PPME1: variants seen among roughly 807,000 people sequenced by gnomAD.
PPME1 encodes testicular secretory protein Li 39.
PPME1 carries 17 observed loss-of-function variants against 56.9 expected under a neutral mutation model. That is an observed-to-expected ratio of 0.30 (90% confidence interval 0.20 to 0.45). The LOEUF (loss-of-function observed/expected upper bound fraction) is 0.45, where lower values mean the gene tolerates loss of function less well. PPME1 is among the 20% of genes least tolerant of loss of function. The pLI, the probability that PPME1 is intolerant of heterozygous loss-of-function variation, is 1.00. For synonymous variants in PPME1, 122 were observed against 156.2 expected, an observed-to-expected ratio of 0.78 and a Z score of 1.63; for missense variants, 357 against 483.2, an observed-to-expected ratio of 0.74 and a Z score of 2.45.
In PPME1 at chr11:74,225,264, A is replaced by T. The variant is rs1307979616; in HGVS notation, c.398+8A>T. The T allele has an allele frequency of 6.5e-7, 1 of 1,548,638 alleles. No individual in the cohort carries two copies. The highest frequency in any genetic ancestry group is 8.8e-7 in the Non-Finnish European group (1 of 1,137,658). ...TGCAGAAACAATGGCAAAGTAAGTA[A>T]CCAAATATTTCTTATACATTGCCTG... On this transcript the variant is annotated splice_region_variant and intron_variant, in intron 5 of 13. Coordinates refer to ENST00000328257, the MANE Select transcript of PPME1 (RefSeq NM_016147.3).
chr11:74,179,389 A>G (rs1255502629), intron 1 of PPME1, among the ~76,000 whole-genome samples: 1 of 152,194 alleles, frequency 6.6e-6, no homozygotes, highest in African/African-American at 2.4e-5. Context: ...CAGCTACTTG[A>G]GAGACTGAGA....
chr11:74,228,828 T>A (rs895550271), intron 5 of PPME1, among the ~76,000 whole-genome samples: 1 of 152,124 alleles, frequency 6.6e-6, no homozygotes, highest in African/African-American at 2.4e-5. Flanking sequence ...AAGTATTAGT[T>A]CTCTTTTCTT....
intron 3 of PPME1, among the ~76,000 whole-genome samples, chr11:74,220,257 G>A (rs1407813630): frequency 1.3e-5 from 2 of 152,136 alleles, no homozygotes; most frequent in Non-Finnish European, 2.9e-5. Context: ...GATTATCTGA[G>A]ATAATCTGGT....
chr11:74,223,303 T>C (rs1445823926), intron 4 of PPME1, among the ~76,000 whole-genome samples: 1 of 151,414 alleles, frequency 6.6e-6, no homozygotes, highest in Non-Finnish European at 1.5e-5. Context: ...TAGTATTCCA[T>C]GGTGTATATG....
intron 9 of PPME1, among the ~76,000 whole-genome samples, chr11:74,241,170 G>A (rs1487911827): frequency 6.6e-6 from 1 of 152,108 alleles, no homozygotes; most frequent in Non-Finnish European, 1.5e-5. Context: ...CCCAGCTTAG[G>A]CAACCACTAA....
At chr11:74,172,934 AAGTC>A (rs527928378) in intron 1 of PPME1, among the ~76,000 whole-genome samples, 1 of 152,286 alleles carries the variant, frequency 6.6e-6, no homozygotes, top group Non-Finnish European at 1.5e-5. Flanking sequence ...CTGTGACAGT[AAGTC>A]CTAGGGATGA....
At chr11:74,246,272 C>T (rs1859500863) in intron 10 of PPME1, 67 bp downstream of exon 10, 1 of 1,369,410 alleles carries the variant, frequency 7.3e-7, no homozygotes, top group African/African-American at 1.5e-5. Flanking sequence ...GACTGAGTGG[C>T]TTAAACAACA....
At chr11:74,207,009 TAGAG>T (rs1047812595) in intron 3 of PPME1, among the ~76,000 whole-genome samples, 1 of 152,168 alleles carries the variant, frequency 6.6e-6, no homozygotes, top group East Asian at 1.9e-4. Flanking sequence ...TTAGAGAAGT[TAGAG>T]AGCCAATGAC....
intron 11 of PPME1, chr11:74,249,235 TC>T: frequency 6.6e-6 from 1 of 152,316 alleles, no homozygotes; most frequent in Non-Finnish European, 1.5e-5. Flanking sequence ...CTGCATAGAT[TC>T]CAAACCACAG....
At chr11:74,252,251 G>GTTTTTTTTTTTTT (rs1249533305) in intron 13 of PPME1, among the ~76,000 whole-genome samples, 3 of 118,464 alleles carry the variant, frequency 2.5e-5, no homozygotes, top group African/African-American at 6.2e-5. Context: ...TTTTTTTTTT[G>GTTTTTTTTTTTTT]TTTTTTTTTT....
intron 11 of PPME1, chr11:74,247,436 A>G (rs1859531100): frequency 4.5e-6 from 1 of 223,958 alleles, no homozygotes; most frequent in Non-Finnish European, 8.6e-6. Flanking sequence ...GGTGTATGAT[A>G]CTGTGAAAAG....
intron 3 of PPME1, among the ~76,000 whole-genome samples, chr11:74,211,846 A>G (rs957879172): frequency 2.0e-5 from 3 of 152,224 alleles, no homozygotes; most frequent in Admixed American, 1.3e-4. Context: ...AATATAGATA[A>G]TGGATAAATT....
chr11:74,193,173 C>A (rs1857887204), intron 1 of PPME1, among the ~76,000 whole-genome samples: 2 of 152,100 alleles, frequency 1.3e-5, no homozygotes. Flanking sequence ...CTGTTAAGTA[C>A]TTATGTGTGA....
At chr11:74,198,242 G>T (rs1858044249) in intron 1 of PPME1, among the ~76,000 whole-genome samples, 2 of 152,080 alleles carry the variant, frequency 1.3e-5, no homozygotes, top group African/African-American at 2.4e-5. Flanking sequence ...CCTTTGAAAG[G>T]TCATTCTATG....
At chr11:74,194,471 A>G (rs1857928309) in intron 1 of PPME1, among the ~76,000 whole-genome samples, 1 of 152,036 alleles carries the variant, frequency 6.6e-6, no homozygotes, top group South Asian at 2.1e-4. Context: ...TTAACTTTTG[A>G]CCTGGGTCTT....
At chr11:74,217,010 T>C (rs1417950804) in intron 3 of PPME1, among the ~76,000 whole-genome samples, 1 of 152,156 alleles carries the variant, frequency 6.6e-6, no homozygotes, top group Non-Finnish European at 1.5e-5. Flanking sequence ...TGGGACCTGA[T>C]GGCTTCACTG....
At chr11:74,176,664 C>CT (rs1857406668) in intron 1 of PPME1, among the ~76,000 whole-genome samples, 1 of 146,132 alleles carries the variant, frequency 6.8e-6, no homozygotes, top group African/African-American at 2.5e-5. Context: ...AAGGCTTTTC[C>CT]TTTTTTTGGG....
At position 74,230,893 on chromosome 11, in the gene PPME1, G is replaced by T. The variant is rs1189157363; in HGVS notation, c.554-19G>T. On this transcript the variant is annotated intron_variant, in intron 6 of 13. Transcript: ENST00000328257. The surrounding 1 kb of genome is among the most constrained non-coding windows in gnomAD (Gnocchi z 4.9). ...AGAATAAGTTAAATATGTGGTTACA[G>T]TTTTTGTTTAACATCCAGGTACAGC... 6.4e-7 allele frequency: 1 copy of T among 1,560,290 alleles called. No individual in the cohort carries two copies. Among genetic ancestry groups the T allele is most frequent in the Non-Finnish European group, 8.7e-7 (1 of 1,143,024 alleles).
intron 1 of PPME1, among the ~76,000 whole-genome samples, chr11:74,201,321 A>G (rs921909408): frequency 6.6e-6 from 1 of 152,056 alleles, no homozygotes; most frequent in African/African-American, 2.4e-5. Flanking sequence ...GGAAATTAGA[A>G]GTGGAGGGTG....
Sources: gnomAD v4.1 joint callset for allele counts (sites outside exome capture counted in the v4.1 genomes callset) on GRCh38, gnomAD v4.1.1 for gene constraint, Gnocchi (gnomAD v3.1) non-coding constraint, MANE v1.5 for transcripts, NCBI Gene and HGNC (gene_info 2026-07-23, HGNC 2026-07-21) for gene names.